The following RBMS3 variants were observed in gnomAD, a reference collection of about 807,000 sequenced individuals.
The protein encoded by RBMS3 is RNA-binding motif, single-stranded-interacting protein 3.
Under a neutral mutation model 66.8 loss-of-function variants are expected in RBMS3, and 27 were observed. The ratio of observed to expected loss-of-function variants is 0.40; its 90% CI spans 0.30 to 0.56. The LOEUF (loss-of-function observed/expected upper bound fraction) is 0.56. Ranked by LOEUF, RBMS3 falls within the 20% of genes least tolerant of loss-of-function variation. The probability of loss-of-function intolerance (pLI) is 0.40; values close to 1 mark genes in which losing one functional copy is unlikely to be tolerated. For missense variants in RBMS3, 513 were observed against 549.5 expected, an observed-to-expected ratio of 0.93 and a Z score of 0.66; for synonymous variants, 188 against 183.0, an observed-to-expected ratio of 1.03 and a Z score of -0.22.
intron 3 of RBMS3, among the ~76,000 whole-genome samples, chr3:29,578,068 A>G (rs780325900): frequency 6.6e-6 from 1 of 152,216 alleles, no homozygotes; most frequent in Non-Finnish European, 1.5e-5. Flanking sequence ...CAAAATCTTT[A>G]CTACAAATGT....
chr3:29,629,589 G>T (rs1290464590), intron 4 of RBMS3, among the ~76,000 whole-genome samples: 1 of 152,016 alleles, frequency 6.6e-6, no homozygotes, highest in Non-Finnish European at 1.5e-5. Flanking sequence ...AGATAGCATG[G>T]TTTTTAAATA....
chr3:29,652,774 C>G (rs576133282), intron 4 of RBMS3, among the ~76,000 whole-genome samples: 1 of 152,176 alleles, frequency 6.6e-6, no homozygotes, highest in South Asian at 2.1e-4. Context: ...AATCTTTTTA[C>G]CAAGCCACAT....
At chr3:29,893,140 G>A (rs1399163855) in intron 8 of RBMS3, among the ~76,000 whole-genome samples, 1 of 151,438 alleles carries the variant, frequency 6.6e-6, no homozygotes, top group African/African-American at 2.4e-5. Flanking sequence ...AAGACGGTAT[G>A]CCGATTCTGT....
At chr3:29,978,815 C>A (rs1466182573) in intron 12 of RBMS3, among the ~76,000 whole-genome samples, 1 of 151,974 alleles carries the variant, frequency 6.6e-6, no homozygotes, top group East Asian at 1.9e-4. Flanking sequence ...ATGAAGTAGA[C>A]TGAAAAGTGT....
intron 4 of RBMS3, among the ~76,000 whole-genome samples, chr3:29,694,518 T>C (rs1345421223): frequency 6.6e-6 from 1 of 152,240 alleles, no homozygotes; most frequent in African/African-American, 2.4e-5. Flanking sequence ...AGAGTTACTC[T>C]GTTCTGGGTT....
At chr3:29,779,201 A>G (rs899034696) in intron 6 of RBMS3, among the ~76,000 whole-genome samples, 1 of 151,802 alleles carries the variant, frequency 6.6e-6, no homozygotes, top group African/African-American at 2.4e-5. Context: ...AAGGTAGCCT[A>G]TTTATAGAAA....
intron 6 of RBMS3, among the ~76,000 whole-genome samples, chr3:29,799,017 T>C (rs747989985): frequency 6.6e-5 from 10 of 151,528 alleles, no homozygotes; most frequent in Non-Finnish European, 1.5e-5. Flanking sequence ...CTTCAACCTC[T>C]TTAAATATTA....
At chr3:29,487,160 T>C (rs554984714) in intron 2 of RBMS3, among the ~76,000 whole-genome samples, 2 of 152,206 alleles carry the variant, frequency 1.3e-5, no homozygotes, top group African/African-American at 4.8e-5. Context: ...TCAAATATGA[T>C]TTTATTTTAC....
chr3:29,943,221 G>T (rs1180354210), intron 11 of RBMS3, among the ~76,000 whole-genome samples: 52 of 151,810 alleles, frequency 3.4e-4, no homozygotes, highest in Non-Finnish European at 2.9e-5. Flanking sequence ...TTTAATAAAG[G>T]TCATATAAAT....
intron 4 of RBMS3, among the ~76,000 whole-genome samples, chr3:29,618,593 G>A (rs1022336839): frequency 4.6e-5 from 7 of 152,054 alleles, no homozygotes; most frequent in African/African-American, 1.7e-4. Context: ...CTTTGTGGGT[G>A]GGGATAGGTA....
At chr3:29,532,644 G>A (rs773822092) in intron 3 of RBMS3, among the ~76,000 whole-genome samples, 80 of 152,076 alleles carry the variant, frequency 5.3e-4, no homozygotes, top group Admixed American at 9.8e-4. Flanking sequence ...GCAGGGAATT[G>A]CTTGAGCTTA....
chr3:29,442,524 T>C (rs1219802715), intron 2 of RBMS3, among the ~76,000 whole-genome samples: 2 of 152,146 alleles, frequency 1.3e-5, no homozygotes, highest in Non-Finnish European at 2.9e-5. Flanking sequence ...ACGATCTTGA[T>C]GGTAGCACAA....
At chr3:29,405,630 A>T (rs759019527) in intron 1 of RBMS3, among the ~76,000 whole-genome samples, 1 of 152,128 alleles carries the variant, frequency 6.6e-6, no homozygotes, top group Non-Finnish European at 1.5e-5. Context: ...ACACACACAC[A>T]CTTACGAACT....
rs146427063 is a variant in RBMS3 at position 29,777,303 on chromosome 3, C to T, written c.637+14314C>T. ...ATGCTTATCTTATCCCACTGGATGG[C>T]AGAATTATGCCTTTGTTATTCTTTT... is the stretch of plus-strand genomic sequence containing the variant. On this transcript the variant is annotated intron_variant, in intron 6 of 14. Transcript: ENST00000383767. 3.0e-4 allele frequency among the ~76,000 whole-genome samples: 45 copies of T among 152,010 alleles called. No homozygotes were observed. The East Asian group carries it at 7.7e-3, about 26-fold the overall frequency.
chr3:29,829,886 A>G (rs2058321684), intron 6 of RBMS3, among the ~76,000 whole-genome samples: 1 of 152,154 alleles, frequency 6.6e-6, no homozygotes. Flanking sequence ...TTTCTCATGC[A>G]TAGATCTGTA....
At chr3:29,971,139 C>T (rs926737606) in intron 12 of RBMS3, among the ~76,000 whole-genome samples, 3 of 152,106 alleles carry the variant, frequency 2.0e-5, no homozygotes, top group East Asian at 1.9e-4. Context: ...TCCCATTCCC[C>T]GCTTTATAAC....
intron 1 of RBMS3, among the ~76,000 whole-genome samples, chr3:29,336,498 T>C (rs6810211): frequency 0.74 from 112,108 of 151,940 alleles, 42,029 homozygotes; most frequent in Non-Finnish European, 0.81. Context: ...ACGGTGTTTG[T>C]GGCCTCAACC....
chr3:29,915,989 A>G (rs1377526780), intron 10 of RBMS3, among the ~76,000 whole-genome samples: 1 of 152,040 alleles, frequency 6.6e-6, no homozygotes, highest in East Asian at 1.9e-4. Flanking sequence ...ACCCTTGCTT[A>G]TGAAGTTATG....
intron 1 of RBMS3, among the ~76,000 whole-genome samples, chr3:29,334,981 T>G (rs1403455476): frequency 6.6e-6 from 1 of 152,244 alleles, no homozygotes; most frequent in Non-Finnish European, 1.5e-5. Flanking sequence ...GAAGCATTGT[T>G]TGATGACAAA....
Sources: allele counts gnomAD v4.1 joint callset (sites outside exome capture counted in the v4.1 genomes callset), GRCh38; gene constraint gnomAD v4.1.1; transcripts MANE v1.5; gene names NCBI Gene and HGNC (gene_info 2026-07-23, HGNC 2026-07-21).